The following SETMAR variants were observed in gnomAD, a reference collection of about 807,000 sequenced individuals.
The protein encoded by SETMAR is SET and mariner transposase domain methyltransferase.
Under a neutral mutation model 58.4 loss-of-function variants are expected in SETMAR, and 44 were observed. The observed-to-expected ratio is 0.75, with a 90% CI of 0.59 to 0.97. The LOEUF is 0.97. SETMAR is among the 50% of genes least tolerant of loss of function. SETMAR has a pLI of 0.00. For missense variants in SETMAR, 903 were observed against 840.2 expected (o/e 1.07, Z -0.92); for synonymous variants, 332 against 307.4 (o/e 1.08, Z -0.84).
Position 4,313,657 on chromosome 3 carries a change from TG to T in SETMAR, c.917del (p.Cys306SerfsTer3), listed in dbSNP as rs1410302692. On this transcript the variant is annotated frameshift_variant, in exon 2 of 3. Coordinates refer to ENST00000358065, the MANE Select transcript of SETMAR (RefSeq NM_006515.4). LOFTEE classifies it high-confidence loss of function. Reference sequence around the variant, plus strand: ...CCTGCCTTTTGACAGTTCTCTGTACTGCCCCGTAGAAAAGTCGAACATCAGT... The same window carrying T: ...CCTGCCTTTTGACAGTTCTCTGTACTCCCCGTAGAAAAGTCGAACATCAGT... ...AFLPFDSSLY[C>X]PVEKSNISCG... is the part of the protein sequence containing the mutation. 6.2e-7 allele frequency: 1 copy of T among 1,613,956 alleles called. No individual in the cohort carries two copies. The highest frequency in any genetic ancestry group is 1.3e-5 in the African/African-American group (1 of 74,928).
chr3:4,311,503 C>G (rs1391828340), intron 1 of SETMAR, among the ~76,000 whole-genome samples: 2 of 152,184 alleles, frequency 1.3e-5, no homozygotes, highest in African/African-American at 2.4e-5. Context: ...GAAACTGCTT[C>G]CTGGAAAAGA....
intron 1 of SETMAR, among the ~76,000 whole-genome samples, chr3:4,308,398 ATAAGATGTT>A (rs1698275317): frequency 7.7e-6 from 1 of 129,728 alleles, no homozygotes; most frequent in South Asian, 4.3e-4. Context: ...TATGAAATAA[ATAAGATGTT>A]TAGTAATGTA....
At chr3:4,316,055 A>C (rs1465079047) in intron 2 of SETMAR, among the ~76,000 whole-genome samples, 157 bp from the exon 3 acceptor site, 2 of 151,960 alleles carry the variant, frequency 1.3e-5, no homozygotes, top group Non-Finnish European at 2.9e-5. Context: ...TCAAAAAAAA[A>C]AAAAAAAAAA....
chr3:4,303,776 G>GA, intron 1 of SETMAR: 1 of 1,449,586 alleles, frequency 6.9e-7, no homozygotes, highest in Non-Finnish European at 9.2e-7. Context: ...GGCCTTGTGA[G>GA]AACCTGGCTT....
rs1473631409 is a variant in SETMAR, at chr3:4,316,815, C to A, written c.1624C>A (p.Leu542Met). 1.3e-6 allele frequency: 2 copies of A among 1,550,642 alleles called. No individual in the cohort carries two copies. The highest frequency in any genetic ancestry group is 4.9e-5 in the East Asian group (2 of 40,920). Reference sequence around the variant, plus strand: ...CACTATTTGGTGGTCTGCTGCTGGTCTGATCCACTACAGCTTTCTGAATCC... The same window carrying A: ...CACTATTTGGTGGTCTGCTGCTGGTATGATCCACTACAGCTTTCTGAATCC... Reference protein sequence around the residue: ...MVTIWWSAAGLIHYSFLNPGE... With the variant: ...MVTIWWSAAGMIHYSFLNPGE... Residue 542 changes from leucine (L) to methionine (M), a missense_variant, in exon 3 of 3, where the codon CTG becomes ATG. Leu to Met is a conservative substitution (Grantham distance 15). Coordinates refer to ENST00000358065, the MANE Select transcript of SETMAR (RefSeq NM_006515.4).
intron 1 of SETMAR, among the ~76,000 whole-genome samples, chr3:4,311,716 T>C (rs1399433461): frequency 1.3e-5 from 2 of 152,244 alleles, no homozygotes; most frequent in Non-Finnish European, 2.9e-5. Context: ...CTAAGCTCAC[T>C]AGACCTGTTT....
In SETMAR at chr3:4,313,746, G is replaced by C. The variant is rs1241698463; in HGVS notation, c.1005G>C (p.Lys335Asn). Residue 335 changes from lysine to asparagine, a missense_variant, in exon 2 of 3, where the codon AAG (lysine) becomes AAC (asparagine). Coordinates refer to ENST00000358065, the MANE Select transcript of SETMAR (RefSeq NM_006515.4). ...CCCCTTCTGTGTTCCCCTCCTGCAA[G>C]CGATTGACCCTTGAGGTGAGTCTGT... Reference protein sequence around the residue: ...GSAPSVFPSCKRLTLETMKMM... With the variant: ...GSAPSVFPSCNRLTLETMKMM... The C allele has an allele frequency of 6.2e-7, 1 of 1,614,006 alleles. No homozygotes were observed. Among genetic ancestry groups the C allele is most frequent in the South Asian group, 1.1e-5 (1 of 91,082 alleles).
intron 1 of SETMAR, among the ~76,000 whole-genome samples, chr3:4,308,112 G>T (rs1698263049): frequency 6.6e-6 from 1 of 152,166 alleles, no homozygotes; most frequent in African/African-American, 2.4e-5. Context: ...AGACAGTAAG[G>T]TAATACTTGA....
In SETMAR at chr3:4,304,284, G is replaced by C. The variant is rs530771144; in HGVS notation, c.156+758G>C. On this transcript the variant is annotated intron_variant, in intron 1 of 2. Coordinates refer to ENST00000358065, the MANE Select transcript of SETMAR (RefSeq NM_006515.4). Reference sequence around the variant, plus strand: ...AGCCTCCCGAGTAGCTGGGATTACAGGCATGGGCCACCACGCCCGGCTAAT... The same window carrying C: ...AGCCTCCCGAGTAGCTGGGATTACACGCATGGGCCACCACGCCCGGCTAAT... 2.6e-5 allele frequency among the ~76,000 whole-genome samples: 4 copies of C among 152,320 alleles called. No homozygotes were observed. In the South Asian group the frequency reaches 8.3e-4, roughly 32 times the overall value.
At chr3:4,308,187 G>C (rs1698265604) in intron 1 of SETMAR, among the ~76,000 whole-genome samples, 1 of 152,208 alleles carries the variant, frequency 6.6e-6, no homozygotes, top group South Asian at 2.1e-4. Context: ...AGAAGTAATG[G>C]AGGAAAGGTA....
At chr3:4,312,703 T>TAAAAAAAAAAAA (rs375529794) in intron 1 of SETMAR, among the ~76,000 whole-genome samples, 195 bp from the exon 2 acceptor site, 4 of 135,898 alleles carry the variant, frequency 2.9e-5, no homozygotes, top group Admixed American at 1.5e-4. Flanking sequence ...CCCTGTCTCT[T>TAAAAAAAAAAAA]AAAAAAAAAA....
chr3:4,303,907 G>C, intron 1 of SETMAR: 1 of 1,223,786 alleles, frequency 8.2e-7, no homozygotes, highest in Non-Finnish European at 1.1e-6. Context: ...GATCGCAGCC[G>C]GTGTCGTGCA....
Position 4,316,705 on chromosome 3 carries a change from G to A in SETMAR, c.1514G>A (p.Arg505Gln), listed in dbSNP as rs376847988. ...GAAAAGTGGATTTTATATGACAACC[G>A]GCGACGATCAGCTCAGTGGTTGGAT... Reference protein sequence around the residue: ...CDEKWILYDNRRRSAQWLDQE... With the variant: ...CDEKWILYDNQRRSAQWLDQE... Residue 505 changes from arginine to glutamine, a missense_variant, in exon 3 of 3, where the codon CGG (arginine) becomes CAG (glutamine). By Grantham distance (43) the Arg-to-Gln change is conservative (BLOSUM62 1). Coordinates refer to ENST00000358065, the MANE Select transcript of SETMAR (RefSeq NM_006515.4). 14 of 1,550,950 alleles carry A rather than the reference G, an allele frequency of 9.0e-6. No homozygotes were observed. The highest frequency in any genetic ancestry group is 2.4e-5 in the East Asian group (1 of 40,918).
chr3:4,316,460 T>G lies in SETMAR; in HGVS notation c.1269T>G (p.Ala423=). 6.2e-7 allele frequency: 1 copy of G among 1,604,580 alleles called. No individual in the cohort carries two copies. The highest frequency in any genetic ancestry group is 8.5e-7 in the Non-Finnish European group (1 of 1,175,658). Residue 423 remains alanine (A), a synonymous_variant, in exon 3 of 3, where the codon GCT becomes GCG. Coordinates refer to ENST00000358065, the MANE Select transcript of SETMAR (RefSeq NM_006515.4). ...ACCAGTTGAGAGCAATCATCGAAGCTGATCCCCTTACAACTACACGAGAAG... is the reference window on the plus strand; with the variant it reads ...ACCAGTTGAGAGCAATCATCGAAGCGGATCCCCTTACAACTACACGAGAAG... The part of the protein sequence containing the change: ...DNDQLRAIIE[A]DPLTTTREVA...
intron 1 of SETMAR, among the ~76,000 whole-genome samples, chr3:4,310,664 A>G (rs1698369158): frequency 6.6e-6 from 1 of 152,202 alleles, no homozygotes; most frequent in Non-Finnish European, 1.5e-5. Context: ...ATATCATGAG[A>G]TTCTTCAAAA....
At position 4,304,825 on chromosome 3, in the gene SETMAR, A is replaced by G. The variant is rs1265398743; in HGVS notation, c.156+1299A>G. Among the ~76,000 whole-genome samples the G allele has an allele frequency of 2.0e-5, 3 of 152,166 alleles. No homozygotes were observed. In the East Asian group the frequency reaches 5.8e-4, roughly 29 times the overall value. The stretch of plus-strand genomic sequence containing the variant: ...AATATGAGTGACCATGGCCTGTGAC[A>G]CAGCCCTCAGGAGATGCTGAGAACA... On this transcript the variant is annotated intron_variant, in intron 1 of 2. Transcript: ENST00000358065.
chr3:4,314,125 G>A (rs966115221), intron 2 of SETMAR: 6 of 298,734 alleles, frequency 2.0e-5, no homozygotes, highest in Non-Finnish European at 3.7e-5. Flanking sequence ...ACCCCAGGAT[G>A]ACCCTGGGAA....
intron 1 of SETMAR, chr3:4,303,736 T>A (rs1559211118): frequency 6.7e-7 from 1 of 1,494,248 alleles, no homozygotes; most frequent in Non-Finnish European, 9.0e-7. Flanking sequence ...GTTGTCCTTT[T>A]CAGTCCATTC....
chr3:4,313,055 T>G lies in SETMAR; in HGVS notation c.314T>G (p.Ile105Arg), dbSNP rs142950522. The change falls in exon 2 of 3, where the codon ATA (isoleucine) becomes AGA (arginine). Residue 105 changes from isoleucine (I) to arginine (R), a missense_variant. By Grantham distance (97) the Ile-to-Arg change is moderately conservative. Coordinates refer to ENST00000358065, the MANE Select transcript of SETMAR (RefSeq NM_006515.4). ...GATGATAACTCATGCCTTAGAGATA[T>G]AGGATCTGGAGGAAAGTATGCAGAG... Reference protein sequence around the residue: ...NYDDNSCLRDIGSGGKYAEPV... With the variant: ...NYDDNSCLRDRGSGGKYAEPV... The G allele has an allele frequency of 3.1e-6, 5 of 1,613,950 alleles. No homozygotes were observed. Among genetic ancestry groups the G allele is most frequent in the Non-Finnish European group, 4.2e-6 (5 of 1,179,930 alleles).
Sources: allele counts gnomAD v4.1 joint callset (sites outside exome capture counted in the v4.1 genomes callset), GRCh38; gene constraint gnomAD v4.1.1; transcripts MANE v1.5; gene names NCBI Gene and HGNC (gene_info 2026-07-23, HGNC 2026-07-21).